PDE11A: variants seen among roughly 807,000 people sequenced by gnomAD.
The protein encoded by PDE11A is phosphodiesterase 11A.
PDE11A carries 100 observed loss-of-function variants against 100.5 expected under a neutral mutation model. The observed-to-expected ratio is 1.00, with a 90% CI of 0.85 to 1.18. The LOEUF (loss-of-function observed/expected upper bound fraction) is 1.18, where lower values mean the gene tolerates loss of function less well. Ranked by LOEUF, PDE11A falls within the 50% of genes most tolerant of loss-of-function variation. The pLI is 0.00. For synonymous variants in PDE11A, 381 were observed against 420.8 expected (o/e 0.91, Z 1.16); for missense variants, 1,141 against 1,152.6 (o/e 0.99, Z 0.15).
chr2:178,096,020 T>C (rs1016708569), intron 2 of PDE11A, among the ~76,000 whole-genome samples: 1 of 152,176 alleles, frequency 6.6e-6, no homozygotes, highest in African/African-American at 2.4e-5. Flanking sequence ...TTGGAGGAGC[T>C]GCCTTGAAGG....
At chr2:178,096,908 A>G (rs544750337) in intron 2 of PDE11A, among the ~76,000 whole-genome samples, 1 of 152,020 alleles carries the variant, frequency 6.6e-6, no homozygotes, top group South Asian at 2.1e-4. Context: ...TTTTTTTAAG[A>G]CAGAGTCTTG....
rs1466916731 is a variant in PDE11A, at chr2:177,787,598, T to C, written c.1738-18225A>G. 1.1e-4 allele frequency among the ~76,000 whole-genome samples: 17 copies of C among 151,170 alleles called. No homozygotes were observed. The East Asian group carries it at 3.2e-3, about 28-fold the overall frequency. On this transcript the variant is annotated intron_variant, in intron 9 of 19. Coordinates refer to ENST00000286063, the MANE Select transcript of PDE11A (RefSeq NM_016953.4). ...AATTAAAAGACGCAGACTGGCAAAT[T>C]GGATAAAGAGTCAAGACCCATCAGT...
Position 177,826,385 on chromosome 2 carries a change from C to T in PDE11A, c.1501-6090G>A, listed in dbSNP as rs538468107. ...TGTATTTCCTTTCTCTAGAAAGATA[C>T]GTACAACTTTAACAATAATCTAAAG... On this transcript the variant is annotated intron_variant, in intron 6 of 19. Coordinates refer to ENST00000286063, the MANE Select transcript of PDE11A (RefSeq NM_016953.4). Among the ~76,000 whole-genome samples, 5 of 152,256 alleles carry T rather than the reference C, an allele frequency of 3.3e-5. No homozygotes were observed. In the South Asian group the frequency reaches 6.2e-4, roughly 19 times the overall value.
intron 2 of PDE11A, among the ~76,000 whole-genome samples, chr2:177,959,974 G>A (rs528237680): frequency 6.6e-6 from 1 of 151,912 alleles, no homozygotes; most frequent in South Asian, 2.1e-4. Context: ...TTTTTCCTAA[G>A]TAGCTAAGCA....
intron 18 of PDE11A, among the ~76,000 whole-genome samples, chr2:177,665,331 T>G (rs1315369211): frequency 2.3e-5 from 3 of 127,754 alleles, no homozygotes; most frequent in African/African-American, 8.6e-5. Context: ...AAAAAAAAAA[T>G]TAGCCAACTG....
chr2:177,945,524 G>A lies in PDE11A; in HGVS notation c.1072-40337C>T, dbSNP rs1413408047. 2.0e-4 allele frequency among the ~76,000 whole-genome samples: 29 copies of A among 147,608 alleles called. 1 individual carries two copies. The highest frequency in any genetic ancestry group is 3.9e-4 in the Non-Finnish European group (26 of 66,214). ...TGCCCGGCCGAGACCCCGTCTGGGAGGTGAGGAGGGTCTCTGCCCAGCCGC... is the reference window on the plus strand; with the variant it reads ...TGCCCGGCCGAGACCCCGTCTGGGAAGTGAGGAGGGTCTCTGCCCAGCCGC... On this transcript the variant is annotated intron_variant, in intron 2 of 19. Coordinates refer to ENST00000286063, the MANE Select transcript of PDE11A (RefSeq NM_016953.4).
chr2:178,062,829 C>G (rs2086989691), intron 1 of PDE11A, among the ~76,000 whole-genome samples: 1 of 152,094 alleles, frequency 6.6e-6, no homozygotes, highest in South Asian at 2.1e-4. Context: ...TTAAAAGTAT[C>G]ATCATTTCCA....
intron 2 of PDE11A, among the ~76,000 whole-genome samples, chr2:178,082,162 G>A (rs2087292794): frequency 6.6e-6 from 1 of 152,206 alleles, no homozygotes; most frequent in South Asian, 2.1e-4. Flanking sequence ...ATCATTAATA[G>A]AATTGTGAGT....
At chr2:177,718,050 T>C (rs1011943815) in intron 12 of PDE11A, among the ~76,000 whole-genome samples, 1 of 152,150 alleles carries the variant, frequency 6.6e-6, no homozygotes, top group African/African-American at 2.4e-5. Flanking sequence ...ATTTAAGAAG[T>C]GTCATTAAGT....
chr2:178,065,170 C>T (rs1490289766), intron 1 of PDE11A, among the ~76,000 whole-genome samples: 1 of 152,164 alleles, frequency 6.6e-6, no homozygotes, highest in African/African-American at 2.4e-5. Flanking sequence ...ATTTCACTTT[C>T]CAAAAGAATG....
chr2:177,722,762 G>T (rs2081549080), intron 12 of PDE11A, among the ~76,000 whole-genome samples: 1 of 152,108 alleles, frequency 6.6e-6, no homozygotes, highest in Non-Finnish European at 1.5e-5. Context: ...GGTTACATTT[G>T]CATGAAGATT....
intron 13 of PDE11A, among the ~76,000 whole-genome samples, chr2:177,704,974 G>A (rs1190675903): frequency 6.6e-6 from 1 of 152,058 alleles, no homozygotes; most frequent in East Asian, 1.9e-4. Context: ...CCAAGTAGCT[G>A]GGATTACAGA....
intron 15 of PDE11A, among the ~76,000 whole-genome samples, chr2:177,684,508 C>T (rs1049389848): frequency 2.0e-5 from 3 of 152,216 alleles, no homozygotes; most frequent in Non-Finnish European, 4.4e-5. Context: ...TCACTTGCTT[C>T]ACCCTAGTTC....
intron 9 of PDE11A, among the ~76,000 whole-genome samples, chr2:177,806,436 T>C (rs1238890070): frequency 6.6e-6 from 1 of 152,190 alleles, no homozygotes. Context: ...AGCTAAAGCA[T>C]TGCAGATGGT....
chr2:177,955,558 C>G (rs867738862), intron 2 of PDE11A, among the ~76,000 whole-genome samples: 1 of 152,174 alleles, frequency 6.6e-6, no homozygotes. Flanking sequence ...GCTGGTTAAA[C>G]AGCCAGTAGG....
intron 15 of PDE11A, among the ~76,000 whole-genome samples, chr2:177,696,161 T>C (rs1489058646): frequency 6.6e-6 from 1 of 152,212 alleles, no homozygotes; most frequent in Non-Finnish European, 1.5e-5. Context: ...TAGAACTTCC[T>C]TTGAAAGCAA....
intron 19 of PDE11A, among the ~76,000 whole-genome samples, chr2:177,632,417 CTCCTT>C: frequency 6.6e-6 from 1 of 152,272 alleles, no homozygotes; most frequent in East Asian, 1.9e-4. Context: ...ATACCCATCT[CTCCTT>C]TCTTCTCTCC....
chr2:177,871,525 AATTATTATTATTATTATTATT>A lies in PDE11A; in HGVS notation c.1367+4313_1367+4333del, dbSNP rs142275376. Among the ~76,000 whole-genome samples the A allele has an allele frequency of 1.3e-3, 174 of 138,266 alleles. 2 individuals are homozygous for A. The highest frequency in any genetic ancestry group is 0.012 in the South Asian group (52 of 4,252). 90.7% of individuals were successfully genotyped at this position (138,266 alleles called of 152,430 possible). On this transcript the variant is annotated intron_variant, in intron 5 of 19. Transcript: ENST00000286063. ...TGGAAGAAATGATGAGTCAGTAGTA[AATTATTATTATTATTATTATT>A]ATTATTATTATTATTATTATTATTA... is the stretch of plus-strand genomic sequence containing the variant.
intron 4 of PDE11A, among the ~76,000 whole-genome samples, chr2:177,881,431 A>C (rs2105704328): frequency 6.6e-6 from 1 of 152,002 alleles, no homozygotes; most frequent in African/African-American, 2.4e-5. Context: ...TCTCAGGAGA[A>C]CCACAACTAC....
Sources: gnomAD v4.1 joint callset for allele counts (sites outside exome capture counted in the v4.1 genomes callset) on GRCh38, gnomAD v4.1.1 for gene constraint, MANE v1.5 for transcripts, NCBI Gene and HGNC (gene_info 2026-07-23, HGNC 2026-07-21) for gene names.